The following GRAMD2B variants were observed in gnomAD, a reference collection of about 807,000 sequenced individuals.
GRAMD2B encodes GRAM domain-containing protein 2B.
A neutral mutation model predicts 59.2 loss-of-function variants in GRAMD2B; 41 were observed. The ratio of observed to expected loss-of-function variants is 0.69; its 90% CI spans 0.54 to 0.90. GRAMD2B has a LOEUF of 0.90. GRAMD2B is among the 40% of genes least tolerant of loss of function. The probability of loss-of-function intolerance (pLI) is 0.00; values close to 1 mark genes in which losing one functional copy is unlikely to be tolerated. For synonymous variants in GRAMD2B, 161 were observed against 182.7 expected, an observed-to-expected ratio of 0.88 and a Z score of 0.96; for missense variants, 424 against 500.5, an observed-to-expected ratio of 0.85 and a Z score of 1.46.
chr5:126,466,252 A>G (rs1217011199), intron 2 of GRAMD2B: 4 of 1,549,612 alleles, frequency 2.6e-6, no homozygotes, highest in East Asian at 4.9e-5. Flanking sequence ...CTTTGCTAAA[A>G]GATTATTAAC....
intron 1 of GRAMD2B, among the ~76,000 whole-genome samples, chr5:126,363,850 T>G (rs1299470771): frequency 1.3e-5 from 2 of 152,172 alleles, no homozygotes; most frequent in African/African-American, 2.4e-5. Flanking sequence ...GGGACTGCTC[T>G]TGGGTACAAG....
intron 1 of GRAMD2B, among the ~76,000 whole-genome samples, chr5:126,398,729 C>A (rs796832202): frequency 1.3e-5 from 2 of 152,156 alleles, no homozygotes; most frequent in African/African-American, 4.8e-5. Flanking sequence ...TTAAAGTAGG[C>A]ATTCATCACT....
At position 126,483,731 on chromosome 5, in the gene GRAMD2B, G is replaced by A. The variant is rs148279065; in HGVS notation, c.847+157G>A. On this transcript the variant is annotated intron_variant, in intron 9 of 13. Transcript: ENST00000285689. ...ATGGAATCTGGAGAAAGGATGCCTT[G>A]AGAGTTGGAGGGAAAAGAATTGCCT... The A allele has an allele frequency of 2.2e-3, 1,247 of 566,512 alleles. 13 individuals are homozygous for A. The highest frequency in any genetic ancestry group is 0.021 in the African/African-American group (1,120 of 52,686). The allele number at this position is 566,512 out of a possible 1,614,324, so 35.1% of individuals were successfully genotyped here. A position where few individuals can be genotyped will look rare whatever the true frequency, so the allele number is the denominator to read the frequency against.
At chr5:126,393,113 C>G (rs1756988248) in intron 1 of GRAMD2B, among the ~76,000 whole-genome samples, 1 of 152,076 alleles carries the variant, frequency 6.6e-6, no homozygotes, top group African/African-American at 2.4e-5. Context: ...CCTTCACTAC[C>G]TTTTCCCTTT....
chr5:126,413,118 C>T (rs1430111644), intron 1 of GRAMD2B, among the ~76,000 whole-genome samples: 2 of 152,048 alleles, frequency 1.3e-5, no homozygotes, highest in Non-Finnish European at 2.9e-5. Context: ...CAGTTCTCAT[C>T]TAATTTTAGT....
chr5:126,383,914 T>G lies in GRAMD2B; in HGVS notation c.125+12347T>G, dbSNP rs970567580. On this transcript the variant is annotated intron_variant, in intron 1 of 8. Transcript: ENST00000506445. ...GAAGGTCAGAGAGAACTACGTGAGA[T>G]TCCCAGGTCTACACTGACTCATTAT... is the stretch of plus-strand genomic sequence containing the variant. Among the ~76,000 whole-genome samples the G allele has an allele frequency of 1.4e-4, 21 of 151,804 alleles. 1 individual carries two copies.
intron 8 of GRAMD2B, among the ~76,000 whole-genome samples, chr5:126,481,232 AAAG>A (rs2126908833): frequency 2.4e-5 from 2 of 82,600 alleles, no homozygotes; most frequent in Non-Finnish European, 2.8e-5. Context: ...AGAAAGAAAG[AAAG>A]AAAGAAAGAA....
chr5:126,378,284 T>C (rs1222081318), intron 1 of GRAMD2B, among the ~76,000 whole-genome samples: 3 of 152,216 alleles, frequency 2.0e-5, no homozygotes, highest in African/African-American at 7.2e-5. Context: ...ATGAGGTTGT[T>C]GCCATATGAA....
intron 1 of GRAMD2B, among the ~76,000 whole-genome samples, chr5:126,458,123 T>A (rs1766661745): frequency 6.6e-6 from 1 of 152,192 alleles, no homozygotes; most frequent in South Asian, 2.1e-4. Flanking sequence ...AATCCTTGGT[T>A]GTTATTTCAT....
chr5:126,476,137 G>A (rs1770559214), intron 5 of GRAMD2B, among the ~76,000 whole-genome samples: 2 of 152,124 alleles, frequency 1.3e-5, no homozygotes, highest in Admixed American at 1.3e-4. Flanking sequence ...GCTGGGTGTG[G>A]TGGCGCATGC....
At chr5:126,460,965 A>C (rs954414296) in intron 1 of GRAMD2B, among the ~76,000 whole-genome samples, 7 of 152,206 alleles carry the variant, frequency 4.6e-5, no homozygotes, top group Non-Finnish European at 1.0e-4. Flanking sequence ...TAGATGTAAA[A>C]CTACCTCTAC....
Position 126,391,319 on chromosome 5 carries a change from C to CAAAAAAA in GRAMD2B, c.125+19767_125+19773dup, listed in dbSNP as rs61181985. ...TGGGCAAGAGAGGGAGACTCCATCT[C>CAAAAAAA]AAAAAAAAAAAAAAAAAAAAACTTG... On this transcript the variant is annotated intron_variant, in intron 1 of 8. Transcript: ENST00000506445. 7.1e-4 allele frequency among the ~76,000 whole-genome samples: 54 copies of CAAAAAAA among 76,344 alleles called. 2 individuals carry two copies. The East Asian group carries it at 7.3e-3, about 10-fold the overall frequency. 50.1% of individuals were successfully genotyped at this position (76,344 alleles called of 152,430 possible).
chr5:126,473,392 T>A (rs577267536), intron 5 of GRAMD2B, 24 bp downstream of exon 5: 11 of 828,804 alleles, frequency 1.3e-5, no homozygotes, highest in South Asian at 9.1e-5. Context: ...AAAAAAAAAA[T>A]GCTAACCCTA....
At chr5:126,395,381 G>A (rs568955461) in intron 1 of GRAMD2B, among the ~76,000 whole-genome samples, 8 of 151,992 alleles carry the variant, frequency 5.3e-5, no homozygotes, top group Non-Finnish European at 1.0e-4. Flanking sequence ...TGAAGTCCCC[G>A]GCTGGTTTGG....
chr5:126,447,417 C>T (rs532276638), intron 1 of GRAMD2B, among the ~76,000 whole-genome samples: 6 of 152,298 alleles, frequency 3.9e-5, no homozygotes, highest in African/African-American at 9.6e-5. Context: ...AATCCCAGCA[C>T]TTTGGGAGGC....
At chr5:126,367,828 T>C (rs530885337), upstream of GRAMD2B, among the ~76,000 whole-genome samples, 4 of 152,342 alleles carry the variant, frequency 2.6e-5, no homozygotes, top group Non-Finnish European at 4.4e-5. Context: ...CTCGGCTCAC[T>C]GCGAGCTCCA....
At chr5:126,388,283 G>A (rs1300173006) in intron 1 of GRAMD2B, among the ~76,000 whole-genome samples, 1 of 152,078 alleles carries the variant, frequency 6.6e-6, no homozygotes, top group Non-Finnish European at 1.5e-5. Flanking sequence ...TGAGGCAGGA[G>A]TATCTCTTGA....
intron 1 of GRAMD2B, among the ~76,000 whole-genome samples, chr5:126,363,079 A>C (rs1190761303): frequency 6.6e-6 from 1 of 152,228 alleles, no homozygotes; most frequent in East Asian, 1.9e-4. Flanking sequence ...ATATATTTTA[A>C]GGAACTTGTA....
At chr5:126,486,337 C>A (rs1248468100) in intron 11 of GRAMD2B, among the ~76,000 whole-genome samples, 1 of 152,252 alleles carries the variant, frequency 6.6e-6, no homozygotes, top group East Asian at 1.9e-4. Context: ...GTCCCCTGAA[C>A]AGGGGCCAAC....
Sources: allele counts gnomAD v4.1 joint callset (sites outside exome capture counted in the v4.1 genomes callset), GRCh38; gene constraint gnomAD v4.1.1; transcripts MANE v1.5; gene names NCBI Gene and HGNC (gene_info 2026-07-23, HGNC 2026-07-21).